Variants in SLC8A1 observed in about 807,000 individuals in gnomAD.
SLC8A1 encodes the protein solute carrier family 8 member A1.
In SLC8A1, 18 loss-of-function variants were observed where a neutral mutation model predicts 68.3. The ratio of observed to expected loss-of-function variants is 0.26; its 90% CI spans 0.18 to 0.39. The LOEUF is 0.39. Ranked by LOEUF, SLC8A1 falls within the 10% of genes least tolerant of loss-of-function variation. The probability of loss-of-function intolerance (pLI) is 1.00; values close to 1 mark genes in which losing one functional copy is unlikely to be tolerated. For synonymous variants in SLC8A1, 475 were observed against 415.5 expected (o/e 1.14, Z -1.74); for missense variants, 985 against 1,156.7 (o/e 0.85, Z 2.15).
At chr2:40,412,075 A>G (rs1405461534) in intron 2 of SLC8A1, among the ~76,000 whole-genome samples, 1 of 152,160 alleles carries the variant, frequency 6.6e-6, no homozygotes, top group Non-Finnish European at 1.5e-5. Flanking sequence ...ATTACTTTCC[A>G]AATAAATATT....
chr2:40,506,910 T>A (rs1023850301), intron 1 of SLC8A1, among the ~76,000 whole-genome samples: 1 of 151,954 alleles, frequency 6.6e-6, no homozygotes, highest in African/African-American at 2.4e-5. Flanking sequence ...AAGAAAGAGG[T>A]AAGCTTTCAT....
At chr2:40,298,801 G>C (rs550405200) in intron 2 of SLC8A1, among the ~76,000 whole-genome samples, 1 of 152,084 alleles carries the variant, frequency 6.6e-6, no homozygotes, top group African/African-American at 2.4e-5. Context: ...ACTAATGATG[G>C]TGAAATAAAA....
intron 2 of SLC8A1, among the ~76,000 whole-genome samples, chr2:40,409,142 C>T (rs779311406): frequency 8.5e-5 from 13 of 152,112 alleles, no homozygotes; most frequent in Non-Finnish European, 1.5e-4. Context: ...ATACAAGGTC[C>T]TTTTCTCAGA....
intron 2 of SLC8A1, among the ~76,000 whole-genome samples, chr2:40,274,491 G>A (rs1400708933): frequency 2.0e-5 from 3 of 152,100 alleles, no homozygotes; most frequent in South Asian, 2.1e-4. Context: ...TTTAACGCTT[G>A]TGTGTAGGAT....
chr2:40,382,370 A>G (rs1256651879), intron 2 of SLC8A1, among the ~76,000 whole-genome samples: 3 of 146,726 alleles, frequency 2.0e-5, no homozygotes, highest in African/African-American at 8.1e-5. Flanking sequence ...TCCAGATGGT[A>G]GAACTGCACA....
At chr2:40,448,287 AAG>A (rs1249396963) in intron 1 of SLC8A1, among the ~76,000 whole-genome samples, 4 of 152,140 alleles carry the variant, frequency 2.6e-5, no homozygotes, top group Non-Finnish European at 4.4e-5. Flanking sequence ...CAGGGAGAGA[AAG>A]AGAGAAAAAG....
At chr2:40,260,416 T>A (rs1032211623) in intron 2 of SLC8A1, among the ~76,000 whole-genome samples, 1 of 152,226 alleles carries the variant, frequency 6.6e-6, no homozygotes, top group East Asian at 1.9e-4. Context: ...CGACTTTTAA[T>A]ACCTTTTTTT....
At chr2:40,387,209 G>A (rs1683844051) in intron 2 of SLC8A1, among the ~76,000 whole-genome samples, 1 of 151,350 alleles carries the variant, frequency 6.6e-6, no homozygotes, top group African/African-American at 2.5e-5. Context: ...GGTATTTCCA[G>A]GGTCTACATC....
rs774555210 is a variant in SLC8A1, at chr2:40,346,047, TAA to T, written c.1808+82424_1808+82425del. Among the ~76,000 whole-genome samples the T allele has an allele frequency of 4.3e-3, 180 of 41,680 alleles. 1 individual carries two copies. Among genetic ancestry groups the T allele is most frequent in the African/African-American group, 0.015 (150 of 10,056 alleles). The allele number at this position is 41,680 out of a possible 152,430, so 27.3% of individuals were successfully genotyped here. A position where few individuals can be genotyped will look rare whatever the true frequency, so the allele number is the denominator to read the frequency against. ...TAAACACACTCATCAACATTAACAG[TAA>T]AAAAAAAAAAAAAAAAAAAAAAAAG... On this transcript the variant is annotated intron_variant, in intron 2 of 7. Transcript: ENST00000406785.
intron 2 of SLC8A1, among the ~76,000 whole-genome samples, chr2:40,273,484 A>G (rs996183477): frequency 6.6e-6 from 1 of 152,246 alleles, no homozygotes; most frequent in East Asian, 1.9e-4. Flanking sequence ...CACAAAGTTC[A>G]CATATCCTAG....
At chr2:40,395,846 G>T (rs1445185821) in intron 2 of SLC8A1, among the ~76,000 whole-genome samples, 1 of 152,096 alleles carries the variant, frequency 6.6e-6, no homozygotes, top group Non-Finnish European at 1.5e-5. Context: ...AGAAGGTCCT[G>T]CTCTAAATAA....
chr2:40,406,024 A>G (rs1205202910), intron 2 of SLC8A1, among the ~76,000 whole-genome samples: 1 of 152,208 alleles, frequency 6.6e-6, no homozygotes, highest in Non-Finnish European at 1.5e-5. Context: ...TTCTATACAT[A>G]CAACATCCTC....
chr2:40,128,463 G>GT (rs952611407), intron 7 of SLC8A1, among the ~76,000 whole-genome samples: 4 of 152,186 alleles, frequency 2.6e-5, no homozygotes, highest in African/African-American at 9.7e-5. Flanking sequence ...GGAGCCAGCA[G>GT]TCAGCACCTA....
At chr2:40,425,268 C>T (rs1000369473) in intron 2 of SLC8A1, among the ~76,000 whole-genome samples, 18 of 151,698 alleles carry the variant, frequency 1.2e-4, no homozygotes, top group African/African-American at 4.1e-4. Flanking sequence ...TAAATCAACT[C>T]ATTTATGTGA....
intron 7 of SLC8A1, among the ~76,000 whole-genome samples, chr2:40,132,384 A>C (rs1448565833): frequency 6.6e-6 from 1 of 152,068 alleles, no homozygotes; most frequent in Non-Finnish European, 1.5e-5. Context: ...ATAAGCTATT[A>C]AGTGATTTTA....
intron 2 of SLC8A1, among the ~76,000 whole-genome samples, chr2:40,282,470 C>G (rs911664746): frequency 1.3e-5 from 2 of 152,108 alleles, no homozygotes; most frequent in Non-Finnish European, 2.9e-5. Flanking sequence ...GAAAGTTTGC[C>G]TATGTACATT....
chr2:40,507,571 C>T (rs1197357707), intron 1 of SLC8A1, among the ~76,000 whole-genome samples: 1 of 151,966 alleles, frequency 6.6e-6, no homozygotes, highest in African/African-American at 2.4e-5. Context: ...TTATTATTTG[C>T]TTTCATTTTT....
chr2:40,467,115 C>T (rs1351988148), intron 1 of SLC8A1, among the ~76,000 whole-genome samples: 1 of 152,046 alleles, frequency 6.6e-6, no homozygotes, highest in Non-Finnish European at 1.5e-5. Flanking sequence ...CAGAGAGGAT[C>T]CCCAAGGCTG....
intron 2 of SLC8A1, among the ~76,000 whole-genome samples, chr2:40,363,610 G>A (rs963580693): frequency 3.3e-5 from 5 of 152,064 alleles, no homozygotes; most frequent in Middle Eastern, 3.2e-3. Context: ...CAGTTGTTCA[G>A]TAGTTATTTA....
Sources: gnomAD v4.1 joint callset for allele counts (sites outside exome capture counted in the v4.1 genomes callset) on GRCh38, gnomAD v4.1.1 for gene constraint, MANE v1.5 for transcripts, NCBI Gene and HGNC (gene_info 2026-07-23, HGNC 2026-07-21) for gene names.